The following UMODL1 variants were observed in gnomAD, a reference collection of about 807,000 sequenced individuals.
UMODL1 encodes uromodulin-like 1.
Under a neutral mutation model 136.3 loss-of-function variants are expected in UMODL1, and 128 were observed. The observed-to-expected ratio is 0.94, with a 90% CI of 0.81 to 1.09. The LOEUF (loss-of-function observed/expected upper bound fraction) is 1.09, where lower values mean the gene tolerates loss of function less well. Among genes scored for constraint, UMODL1 ranks in the 50% least tolerant of loss-of-function variants. The probability of loss-of-function intolerance (pLI) is 0.00; values close to 1 mark genes in which losing one functional copy is unlikely to be tolerated. For missense variants in UMODL1, 1,766 were observed against 1,725.6 expected, an observed-to-expected ratio of 1.02 and a Z score of -0.41; for synonymous variants, 721 against 720.0, an observed-to-expected ratio of 1.00 and a Z score of -0.02.
intron 18 of UMODL1, 91 bp downstream of exon 18, chr21:42,126,581 AC>A: frequency 6.4e-7 from 1 of 1,571,888 alleles, no homozygotes; most frequent in Non-Finnish European, 8.7e-7. Flanking sequence ...CCACTTAAGG[AC>A]CCTTCCTTGA....
At chr21:42,084,366 G>A (rs942198431) in intron 3 of UMODL1, 121 bp downstream of exon 3, 3 of 1,142,062 alleles carry the variant, frequency 2.6e-6, no homozygotes, top group Non-Finnish European at 2.4e-6. Context: ...TTCATCAGGA[G>A]CCCCCACCGT....
At chr21:42,069,590 T>C (rs559929037), upstream of UMODL1, among the ~76,000 whole-genome samples, 4 of 152,302 alleles carry the variant, frequency 2.6e-5, no homozygotes, top group African/African-American at 9.6e-5. Flanking sequence ...GTGGCCTTTC[T>C]GAACCTGTTT....
intron 4 of UMODL1, 90 bp from the exon 5 acceptor site, chr21:42,088,204 C>T (rs1055415046): frequency 1.5e-6 from 2 of 1,366,060 alleles, no homozygotes; most frequent in Non-Finnish European, 2.0e-6. Flanking sequence ...TGTGTGTGGA[C>T]AGTTCATTTC....
At chr21:42,140,609 C>T (rs561418557) in intron 22 of UMODL1, among the ~76,000 whole-genome samples, 24 of 151,934 alleles carry the variant, frequency 1.6e-4, no homozygotes, top group African/African-American at 2.2e-4. Context: ...ATCAGAGACC[C>T]GGAGAATTTG....
In UMODL1 at chr21:42,137,499, C is replaced by G. The variant is rs532237695; in HGVS notation, c.3836C>G (p.Ala1279Gly). ...GAGYVVLIVV[A>G]IFVLVAGTAT... Reference sequence around the variant, plus strand: ...GGTTATGTGGTCCTTATTGTGGTGGCCATCTTCGTGCTGGTGGCGGGAACA... The same window carrying G: ...GGTTATGTGGTCCTTATTGTGGTGGGCATCTTCGTGCTGGTGGCGGGAACA... The change falls in exon 22 of 23, where the codon GCC becomes GGC. Residue 1279 changes from alanine (A) to glycine (G), a missense_variant. Ala to Gly is a moderately conservative substitution (Grantham distance 60). Coordinates refer to ENST00000408910, the MANE Select transcript of UMODL1 (RefSeq NM_001004416.3). The G allele has an allele frequency of 8.1e-6, 13 of 1,614,240 alleles. No individual in the cohort carries two copies. In the South Asian group the frequency reaches 1.2e-4, roughly 15 times the overall value.
At chr21:42,121,928 G>C (rs2066978074) in intron 16 of UMODL1, among the ~76,000 whole-genome samples, 1 of 152,176 alleles carries the variant, frequency 6.6e-6, no homozygotes, top group Admixed American at 6.5e-5. Context: ...GGGTGCCGTG[G>C]TGAGAACAGA....
Position 42,137,539 on chromosome 21 carries a change from C to A in UMODL1, c.3876C>A (p.Ile1292=), listed in dbSNP as rs202167400. The A allele has an allele frequency of 7.4e-6, 12 of 1,614,206 alleles. No homozygotes were observed. Among genetic ancestry groups the A allele is most frequent in the Non-Finnish European group, 9.3e-6 (11 of 1,180,042 alleles). ...TGGCGGGAACAGCCACCCTTCTGAT[C>A]GTGCGCTACCAGAGAATGAATGGGA... ...VLVAGTATLL[I]VRYQRMNGRY... The change falls in exon 22 of 23, where the codon ATC becomes ATA. Residue 1292 remains isoleucine, a synonymous_variant. Coordinates refer to ENST00000408910, the MANE Select transcript of UMODL1 (RefSeq NM_001004416.3).
intron 17 of UMODL1, 152 bp from the exon 18 acceptor site, chr21:42,126,193 A>G: frequency 8.4e-7 from 1 of 1,187,608 alleles, no homozygotes. Flanking sequence ...TAGGCAGTTT[A>G]TGGTTGGGAG....
intron 2 of UMODL1, among the ~76,000 whole-genome samples, chr21:42,080,471 C>T (rs1339231036): frequency 6.6e-6 from 1 of 152,208 alleles, no homozygotes; most frequent in South Asian, 2.1e-4. Context: ...CATGTTTCCT[C>T]CTTTCTCCTC....
chr21:42,101,816 G>A (rs574808795), intron 7 of UMODL1: 12 of 448,710 alleles, frequency 2.7e-5, no homozygotes, highest in African/African-American at 1.0e-4. Flanking sequence ...GGGCCTCGTC[G>A]TGTGAGTACC....
Position 42,104,012 on chromosome 21 carries a change from A to G in UMODL1, c.1444A>G (p.Thr482Ala). ...QDPGFPMGIS[T>A]LAPILQPLLA... ...CCCCGGGTTTCCCATGGGCATCTCC[A>G]CGCTGGCCCCCATACTCCAGCCCCT... The change falls in exon 9 of 23, where the codon ACG becomes GCG. Residue 482 changes from threonine (T) to alanine (A), a missense_variant. Physicochemically the swap from Thr to Ala is moderately conservative, Grantham distance 58. Coordinates refer to ENST00000408910, the MANE Select transcript of UMODL1 (RefSeq NM_001004416.3). 6.2e-7 allele frequency: 1 copy of G among 1,613,920 alleles called. No homozygotes were observed. The highest frequency in any genetic ancestry group is 1.3e-5 in the African/African-American group (1 of 75,010).
At chr21:42,125,955 T>A (rs1407333548) in intron 17 of UMODL1, among the ~76,000 whole-genome samples, 1 of 152,190 alleles carries the variant, frequency 6.6e-6, no homozygotes, top group Non-Finnish European at 1.5e-5. Context: ...CTTGGCTTGA[T>A]TATTAAATGC....
chr21:42,137,077 G>A (rs1237734573), intron 21 of UMODL1, among the ~76,000 whole-genome samples: 1 of 152,138 alleles, frequency 6.6e-6, no homozygotes, highest in Non-Finnish European at 1.5e-5. Flanking sequence ...TTTTTTAATT[G>A]CTCCTCTGGG....
At chr21:42,111,276 A>G (rs766510881) in intron 11 of UMODL1, 155 bp downstream of exon 11, 6 of 1,421,554 alleles carry the variant, frequency 4.2e-6, no homozygotes, top group Non-Finnish European at 5.6e-6. Context: ...AGCCCCAGCC[A>G]GGTGAACCCC....
In UMODL1 at chr21:42,099,056, G is replaced by A. The variant is rs189378097; in HGVS notation, c.1062G>A (p.Arg354=). The part of the protein sequence containing the change: ...VRVYRGMELL[R]SARTQSQALA... ...TTTACCGGGGTATGGAGTTGCTCAG[G>A]AGCGCCAGGACACAGAGCCAGGCAC... The change falls in exon 7 of 23, where the codon AGG becomes AGA. Residue 354 remains arginine, a synonymous_variant. Transcript: ENST00000408910. This position sits in a 1 kb window ranked among gnomAD's most constrained non-coding sequence, Gnocchi z 4.1. 3.6e-4 allele frequency: 578 copies of A among 1,614,204 alleles called. 6 individuals carry two copies. In the East Asian group the frequency reaches 0.013, roughly 36 times the overall value.
At chr21:42,113,967 G>T in intron 13 of UMODL1, 137 bp downstream of exon 13, 4 of 1,261,538 alleles carry the variant, frequency 3.2e-6, no homozygotes, top group Non-Finnish European at 4.3e-6. Context: ...GGGACATCCG[G>T]CTGGCTTCAG....
Position 42,111,569 on chromosome 21 carries a change from C to T in UMODL1, c.1963C>T (p.His655Tyr), listed in dbSNP as rs2066831195. 1 of 1,614,062 alleles carries T rather than the reference C, an allele frequency of 6.2e-7. No individual in the cohort carries two copies. Among genetic ancestry groups the T allele is most frequent in the Non-Finnish European group, 8.5e-7 (1 of 1,180,024 alleles). ...TTCCCCTACTGAGGACCCCACCGGC[C>T]ACTTCCTGTGGCATGCCACCCGTTC... Reference protein sequence around the residue: ...WPSPTEDPTGHFLWHATRSTR... With the variant: ...WPSPTEDPTGYFLWHATRSTR... The change falls in exon 12 of 23, where the codon CAC (histidine) becomes TAC (tyrosine). Residue 655 changes from histidine to tyrosine, a missense_variant. By Grantham distance (83) the His-to-Tyr change is moderately conservative. Transcript: ENST00000408910.
intron 7 of UMODL1, chr21:42,101,793 GGGGCCTGAGTAA>G (rs2066637139): frequency 2.2e-6 from 1 of 454,896 alleles, no homozygotes; most frequent in African/African-American, 2.0e-5. Flanking sequence ...CCTGATGTTG[GGGGCCTGAGTAA>G]GGGCCTCGTC....
intron 5 of UMODL1, 44 bp downstream of exon 5, chr21:42,088,524 G>T: frequency 6.5e-7 from 1 of 1,538,774 alleles, no homozygotes; most frequent in Non-Finnish European, 8.8e-7. Flanking sequence ...CTGCAGGGTG[G>T]TGCCTGAACA....
Sources: allele counts gnomAD v4.1 joint callset (sites outside exome capture counted in the v4.1 genomes callset), GRCh38; gene constraint gnomAD v4.1.1; non-coding constraint Gnocchi (gnomAD v3.1); transcripts MANE v1.5; gene names NCBI Gene and HGNC (gene_info 2026-07-23, HGNC 2026-07-21).